Variants in NR2C1 observed in about 807,000 individuals in gnomAD.
NR2C1 encodes TR2 nuclear hormone receptor.
A neutral mutation model predicts 74.8 loss-of-function variants in NR2C1; 33 were observed. The ratio of observed to expected loss-of-function variants is 0.44; its 90% CI spans 0.33 to 0.59. The LOEUF (loss-of-function observed/expected upper bound fraction) is 0.59, where lower values mean the gene tolerates loss of function less well. Ranked by LOEUF, NR2C1 falls within the 20% of genes least tolerant of loss-of-function variation. The pLI, the probability that NR2C1 is intolerant of heterozygous loss-of-function variation, is 0.02. For missense variants in NR2C1, 568 were observed against 715.6 expected (o/e 0.79, Z 2.35); for synonymous variants, 225 against 240.6 (o/e 0.94, Z 0.60).
At chr12:95,067,722 C>A (rs945126779) in intron 1 of NR2C1, among the ~76,000 whole-genome samples, 1 of 151,736 alleles carries the variant, frequency 6.6e-6, no homozygotes, top group Non-Finnish European at 1.5e-5. Flanking sequence ...CACCACCACA[C>A]CTGGCTAATT....
At position 95,054,900 on chromosome 12, in the gene NR2C1, C is replaced by T. The variant is rs368878154; in HGVS notation, c.783+2653G>A. 1.4e-4 allele frequency among the ~76,000 whole-genome samples: 21 copies of T among 152,242 alleles called. No individual in the cohort carries two copies. The East Asian group carries it at 1.5e-3, about 11-fold the overall frequency. On this transcript the variant is annotated intron_variant, in intron 7 of 13. Transcript: ENST00000333003. ...TAGTTTTCCTAGGCAGAGGACCCTG[C>T]AGCGTTCCACAGTGTTTGTGTCCCT...
intron 12 of NR2C1, 36 bp downstream of exon 12, chr12:95,028,351 C>G (rs763897909): frequency 1.9e-6 from 3 of 1,565,098 alleles, no homozygotes; most frequent in Admixed American, 1.8e-5. Context: ...CATCGTGAAA[C>G]ATTTTATTTT....
chr12:95,028,958 T>G (rs2136097464), intron 11 of NR2C1, among the ~76,000 whole-genome samples: 1 of 152,292 alleles, frequency 6.6e-6, no homozygotes, highest in East Asian at 1.9e-4. Flanking sequence ...GCTTTGAGTA[T>G]AACCAATCTA....
chr12:95,048,725 ATC>A (rs1872617981), intron 9 of NR2C1, among the ~76,000 whole-genome samples: 2 of 151,380 alleles, frequency 1.3e-5, no homozygotes, highest in East Asian at 3.9e-4. Context: ...CCCGAGTTCA[ATC>A]GATTGTCCTG....
chr12:95,059,703 T>C (rs1874455803), intron 4 of NR2C1, among the ~76,000 whole-genome samples: 1 of 152,144 alleles, frequency 6.6e-6, no homozygotes, highest in Non-Finnish European at 1.5e-5. Flanking sequence ...AGTGAGACTC[T>C]ATATCACAAA....
chr12:95,055,070 G>A (rs983923394), intron 7 of NR2C1, among the ~76,000 whole-genome samples: 1 of 152,142 alleles, frequency 6.6e-6, no homozygotes, highest in Admixed American at 6.6e-5. Flanking sequence ...ACAGGGTTGG[G>A]GGTAAGGTCA....
rs201599476 is a variant in NR2C1 at position 95,035,466 on chromosome 12, G to GA, written c.1254-3979dup. Among the ~76,000 whole-genome samples the GA allele has an allele frequency of 8.1e-3, 1,227 of 152,152 alleles. 19 individuals carry two copies. Among genetic ancestry groups the GA allele is most frequent in the Non-Finnish European group, 8.6e-3 (583 of 67,984 alleles). ...AAACACAGGAAAGGAAAAATAAATGGAAAAAAATCAGAGCTGGCTTGTGCT... is the reference window on the plus strand; with the variant it reads ...AAACACAGGAAAGGAAAAATAAATGGAAAAAAAATCAGAGCTGGCTTGTGCT... On this transcript the variant is annotated intron_variant, in intron 10 of 13. Transcript: ENST00000333003.
At chr12:95,043,068 A>G (rs115682965) in intron 9 of NR2C1, among the ~76,000 whole-genome samples, 3 of 151,846 alleles carry the variant, frequency 2.0e-5, no homozygotes, top group Non-Finnish European at 4.4e-5. Flanking sequence ...TTTTGAGACC[A>G]ACCTGGGAAA....
chr12:95,071,835 G>A (rs917260253), intron 1 of NR2C1, among the ~76,000 whole-genome samples: 1 of 149,164 alleles, frequency 6.7e-6, no homozygotes, highest in Non-Finnish European at 1.5e-5. Context: ...TGCAACCTCC[G>A]CCTCCCGGGT....
intron 9 of NR2C1, among the ~76,000 whole-genome samples, chr12:95,042,428 G>A (rs948020304): frequency 1.3e-5 from 2 of 151,926 alleles, no homozygotes; most frequent in South Asian, 2.1e-4. Flanking sequence ...GGCCAGGCTC[G>A]TCTCAAACTC....
In NR2C1 at chr12:95,025,380, C is replaced by T. The variant is rs527402490; in HGVS notation, c.1532-125G>A. On this transcript the variant is annotated intron_variant, in intron 12 of 13. Coordinates refer to ENST00000333003, the MANE Select transcript of NR2C1 (RefSeq NM_003297.4). ...CCATCATAAAATGTGTGGCTCAGGC[C>T]GGGCATGGTGGCTCACGCCTGTAAT... The T allele has an allele frequency of 1.1e-4, 63 of 561,054 alleles. 1 individual carries two copies. The Admixed American group carries it at 1.5e-3, about 13-fold the overall frequency. 34.8% of individuals were successfully genotyped at this position (561,054 alleles called of 1,614,324 possible).
intron 9 of NR2C1, among the ~76,000 whole-genome samples, chr12:95,047,456 C>G (rs899271627): frequency 1.3e-5 from 2 of 152,052 alleles, no homozygotes; most frequent in African/African-American, 4.8e-5. Context: ...ATTTTATTGA[C>G]TACATCAAAT....
chr12:95,058,518 A>G (rs928610260), intron 4 of NR2C1, 29 bp from the exon 5 acceptor site: 2 of 1,564,672 alleles, frequency 1.3e-6, no homozygotes, highest in Non-Finnish European at 1.7e-6. Context: ...AGAAAATATA[A>G]AAGTCACATT....
chr12:95,062,996 CAT>C (rs143209777), intron 2 of NR2C1: 18,917 of 508,414 alleles, frequency 0.037, 591 homozygotes, highest in Middle Eastern at 0.11. Flanking sequence ...TTTAGACAAA[CAT>C]ATATTGGGTG....
chr12:95,058,440 T>C lies in NR2C1; in HGVS notation c.414A>G (p.Lys138=), dbSNP rs754542297. 8.1e-6 allele frequency: 13 copies of C among 1,613,552 alleles called. No homozygotes were observed. The highest frequency in any genetic ancestry group is 1.1e-5 in the Non-Finnish European group (13 of 1,179,884). ...ATACTAAATTTTTTCGGATGCTTCT[T>C]TTAAAAAATCCTTTGCAGCCTTCAC... ...VTCEGCKGFF[K]RSIRKNLVYS... Residue 138 remains lysine (K), a synonymous_variant, in exon 5 of 14, where the codon AAA becomes AAG. Transcript: ENST00000333003.
intron 1 of NR2C1, among the ~76,000 whole-genome samples, chr12:95,072,037 C>T (rs1023587065): frequency 6.6e-6 from 1 of 151,686 alleles, no homozygotes; most frequent in Non-Finnish European, 1.5e-5. Flanking sequence ...TGTGAGCCAC[C>T]GCGCCCAGCC....
chr12:95,048,925 A>G, intron 9 of NR2C1, 143 bp downstream of exon 9: 1 of 776,308 alleles, frequency 1.3e-6, no homozygotes, highest in Non-Finnish European at 2.0e-6. Context: ...TGCCTGGCCC[A>G]GATGAGTGTT....
rs1003367092 is a variant in NR2C1, at chr12:95,051,810, G to T, written c.917C>A (p.Thr306Asn). The change falls in exon 8 of 14, where the codon ACC becomes AAC. Residue 306 changes from threonine (T) to asparagine (N), a missense_variant. Coordinates refer to ENST00000333003, the MANE Select transcript of NR2C1 (RefSeq NM_003297.4). ...SMIESLSNDDTSLCEFQEMQT... is the reference protein window; with the variant it reads ...SMIESLSNDDNSLCEFQEMQT... ...CATTTCTTGAAATTCACACAAAGAG[G>T]TATCATCATTGCTTAAGCTTTCAAT... 3.1e-6 allele frequency: 5 copies of T among 1,608,436 alleles called. No homozygotes were observed. Among genetic ancestry groups the T allele is most frequent in the Non-Finnish European group, 4.2e-6 (5 of 1,178,820 alleles).
Position 95,059,986 on chromosome 12 carries a change from T to TAAAAAA in NR2C1, c.286-8_286-3dup, listed in dbSNP as rs79760875. 2.0e-5 allele frequency: 21 copies of TAAAAAA among 1,074,536 alleles called. No individual in the cohort carries two copies. Among genetic ancestry groups the TAAAAAA allele is most frequent in the Admixed American group, 8.7e-5 (2 of 23,062 alleles). 66.6% of individuals were successfully genotyped at this position (1,074,536 alleles called of 1,614,324 possible). On this transcript the variant is annotated splice_region_variant and splice_polypyrimidine_tract_variant and intron_variant, in intron 3 of 13. Coordinates refer to ENST00000333003, the MANE Select transcript of NR2C1 (RefSeq NM_003297.4). ...GTCTGGAGAATTATCTGTTAGGAGC[T>TAAAAAA]AAAAAAAAAAAAAAAAAAAAAGAAA... is the stretch of plus-strand genomic sequence containing the variant.
Sources: gnomAD v4.1 joint callset for allele counts (sites outside exome capture counted in the v4.1 genomes callset) on GRCh38, gnomAD v4.1.1 for gene constraint, MANE v1.5 for transcripts, NCBI Gene and HGNC (gene_info 2026-07-23, HGNC 2026-07-21) for gene names.